PCNX2: variants seen among roughly 807,000 people sequenced by gnomAD.
The protein encoded by PCNX2 is pecanex-like protein 2.
In PCNX2, 168 loss-of-function variants were observed where a neutral mutation model predicts 223.8. That is an observed-to-expected ratio of 0.75 (90% CI 0.66 to 0.85). PCNX2 has a LOEUF of 0.85. PCNX2 is among the 40% of genes least tolerant of loss of function. PCNX2 has a pLI of 0.00. For missense variants in PCNX2, 2,507 were observed against 2,675.5 expected (o/e 0.94, Z 1.39); for synonymous variants, 1,006 against 1,052.6 (o/e 0.96, Z 0.86).
At chr1:233,017,618 A>G (rs936496559) in intron 26 of PCNX2, among the ~76,000 whole-genome samples, 1 of 151,710 alleles carries the variant, frequency 6.6e-6, no homozygotes, top group African/African-American at 2.4e-5. Flanking sequence ...GCCTGGCCTA[A>G]AACGTCCTCT....
chr1:233,009,578 CA>C (rs1483310122), intron 28 of PCNX2, among the ~76,000 whole-genome samples: 1 of 152,178 alleles, frequency 6.6e-6, no homozygotes, highest in Non-Finnish European at 1.5e-5. Context: ...TCAAGCGGAT[CA>C]ACTACTATTG....
At chr1:233,045,422 C>T (rs749226866) in intron 25 of PCNX2, among the ~76,000 whole-genome samples, 1 of 152,154 alleles carries the variant, frequency 6.6e-6, no homozygotes, top group African/African-American at 2.4e-5. Context: ...GAAACCATCC[C>T]CTTCCCCACT....
At chr1:233,082,049 G>A (rs1213622245) in intron 23 of PCNX2, among the ~76,000 whole-genome samples, 1 of 151,958 alleles carries the variant, frequency 6.6e-6, no homozygotes, top group Non-Finnish European at 1.5e-5. Flanking sequence ...GATATAACAG[G>A]AAGCATGTTC....
chr1:232,991,443 C>T lies in PCNX2; in HGVS notation c.5792-4903G>A, dbSNP rs956535340. 1.3e-5 allele frequency among the ~76,000 whole-genome samples: 2 copies of T among 152,038 alleles called. No homozygotes were observed. The highest frequency in any genetic ancestry group is 1.3e-4 in the Admixed American group (2 of 15,270). ...GATGGGGGCCTGCGGGGGAGGGGTG[C>T]TCATGGGATGCGCGTGGGTGTTCCG... On this transcript the variant is annotated intron_variant, in intron 32 of 33. Transcript: ENST00000258229. The surrounding 1 kb of genome is among the most constrained non-coding windows in gnomAD (Gnocchi z 4.3).
At chr1:233,175,327 TAC>T (rs1679419287) in intron 17 of PCNX2, among the ~76,000 whole-genome samples, 1 of 152,198 alleles carries the variant, frequency 6.6e-6, no homozygotes, top group Non-Finnish European at 1.5e-5. Context: ...CTCCACACTG[TAC>T]AAAGCATTTC....
At chr1:233,082,653 C>T (rs920134049) in intron 23 of PCNX2, among the ~76,000 whole-genome samples, 2 of 152,090 alleles carry the variant, frequency 1.3e-5, no homozygotes. Flanking sequence ...CTGCTTTGTA[C>T]TTAAGAAAAA....
At chr1:233,028,520 A>G (rs766899994) in intron 25 of PCNX2, among the ~76,000 whole-genome samples, 5 of 152,218 alleles carry the variant, frequency 3.3e-5, no homozygotes, top group Non-Finnish European at 4.4e-5. Context: ...GAAGTCTGAT[A>G]TTAATAAAGC....
intron 13 of PCNX2, among the ~76,000 whole-genome samples, chr1:233,203,210 T>C (rs1294825347): frequency 6.6e-6 from 1 of 152,200 alleles, no homozygotes; most frequent in African/African-American, 2.4e-5. Context: ...CCTCTGGGCA[T>C]GCTCTAGTTT....
rs1281692938 is a variant in PCNX2, at chr1:232,984,257, G to A, written c.*47C>T. 6.6e-7 allele frequency: 1 copy of A among 1,520,510 alleles called. No individual in the cohort carries two copies. Among genetic ancestry groups the A allele is most frequent in the Non-Finnish European group, 8.8e-7 (1 of 1,133,280 alleles). 94.2% of individuals were successfully genotyped at this position (1,520,510 alleles called of 1,614,324 possible). On this transcript the variant is annotated 3_prime_UTR_variant, in exon 34 of 34. Coordinates refer to ENST00000258229, the MANE Select transcript of PCNX2 (RefSeq NM_014801.4). ...GGGGAGCACGAGGGAGAGCAATGCA[G>A]GTGGGAGGTGTGGGGGAGCCAGCCT...
intron 13 of PCNX2, chr1:233,202,273 A>C (rs1179787674): frequency 2.2e-6 from 1 of 460,562 alleles, no homozygotes; most frequent in South Asian, 1.6e-5. Flanking sequence ...ATTTTCTGTT[A>C]GCATACCACT....
chr1:233,151,356 G>A (rs1221101796), intron 19 of PCNX2, among the ~76,000 whole-genome samples: 1 of 152,202 alleles, frequency 6.6e-6, no homozygotes, highest in Non-Finnish European at 1.5e-5. Flanking sequence ...CTGCAGCTGA[G>A]AACTAACATC....
intron 22 of PCNX2, among the ~76,000 whole-genome samples, chr1:233,091,598 T>C (rs1306951017): frequency 6.6e-6 from 1 of 152,028 alleles, no homozygotes; most frequent in South Asian, 2.1e-4. Flanking sequence ...CCAGGCATTG[T>C]GGTGCACACC....
intron 22 of PCNX2, among the ~76,000 whole-genome samples, chr1:233,093,143 G>A (rs937691324): frequency 1.6e-4 from 24 of 152,268 alleles, no homozygotes; most frequent in Non-Finnish European, 3.5e-4. Flanking sequence ...CATTAGAAGC[G>A]CAGAAGGATG....
Position 233,208,569 on chromosome 1 carries a change from G to C in PCNX2, c.2812C>G (p.Leu938Val). 1.9e-6 allele frequency: 3 copies of C among 1,613,722 alleles called. No individual in the cohort carries two copies. The highest frequency in any genetic ancestry group is 2.5e-6 in the Non-Finnish European group (3 of 1,179,836). ...RHPPSYVVYG[L>V]KLFSPVFLQS... ...AGAAACACTGGAGAGAAGAGCTTCAGGCCATACACAACGTAACTGGGAGGG... is the reference window on the plus strand; with the variant it reads ...AGAAACACTGGAGAGAAGAGCTTCACGCCATACACAACGTAACTGGGAGGG... The change falls in exon 13 of 34, where the codon CTG (leucine) becomes GTG (valine). Residue 938 changes from leucine (L) to valine (V), a missense_variant. Transcript: ENST00000258229.
rs188713779 is a variant in PCNX2, at chr1:232,992,364, G to A, written c.5792-5824C>T. On this transcript the variant is annotated intron_variant, in intron 32 of 33. Transcript: ENST00000258229. ...GGGTGTCAGCTTTGCCTGCTCGTGG[G>A]GCCAGAAGGAAGATCACTTATAAGT... Among the ~76,000 whole-genome samples the A allele has an allele frequency of 2.3e-3, 349 of 152,312 alleles. 4 individuals are homozygous for A. The highest frequency in any genetic ancestry group is 4.1e-3 in the Admixed American group (62 of 15,300).
chr1:233,128,972 A>G (rs1426509748), intron 21 of PCNX2, among the ~76,000 whole-genome samples: 1 of 152,226 alleles, frequency 6.6e-6, no homozygotes, highest in East Asian at 1.9e-4. Flanking sequence ...GTGTGCTGGC[A>G]GCCCTCGCTC....
chr1:233,083,148 A>T (rs933148632), intron 23 of PCNX2, among the ~76,000 whole-genome samples: 1 of 152,224 alleles, frequency 6.6e-6, no homozygotes, highest in African/African-American at 2.4e-5. Flanking sequence ...CCTTCTACTG[A>T]GAACCAATTA....
chr1:233,162,383 G>T (rs10797604), intron 17 of PCNX2, among the ~76,000 whole-genome samples: 91,513 of 152,052 alleles, frequency 0.6, 27,736 homozygotes, highest in South Asian at 0.68. Context: ...ATATCGAAGG[G>T]ATTTATGCCT....
At chr1:233,125,058 G>T (rs192338942) in intron 21 of PCNX2, among the ~76,000 whole-genome samples, 65 of 152,300 alleles carry the variant, frequency 4.3e-4, no homozygotes, top group African/African-American at 1.5e-3. Context: ...AGGATACAAA[G>T]AAGGAAGAAC....
Sources: gnomAD v4.1 joint callset for allele counts (sites outside exome capture counted in the v4.1 genomes callset) on GRCh38, gnomAD v4.1.1 for gene constraint, Gnocchi (gnomAD v3.1) non-coding constraint, MANE v1.5 for transcripts, NCBI Gene and HGNC (gene_info 2026-07-23, HGNC 2026-07-21) for gene names.